The following KCNQ3 variants were observed in gnomAD, a reference collection of about 807,000 sequenced individuals.
KCNQ3 encodes the protein potassium voltage-gated channel subfamily Q member 3, also known as potassium voltage-gated channel subfamily KQT member 3.
Under a neutral mutation model 92.5 loss-of-function variants are expected in KCNQ3, and 30 were observed. The observed-to-expected ratio is 0.32, with a 90% CI of 0.24 to 0.44. KCNQ3 has a LOEUF of 0.44. Ranked by LOEUF, KCNQ3 falls within the 20% of genes least tolerant of loss-of-function variation. KCNQ3 has a pLI of 1.00. For missense variants in KCNQ3, 913 were observed against 1,140.3 expected, an observed-to-expected ratio of 0.80 and a Z score of 2.87; for synonymous variants, 450 against 468.8, an observed-to-expected ratio of 0.96 and a Z score of 0.52.
chr8:132,255,027 T>C (rs945232140), intron 1 of KCNQ3, among the ~76,000 whole-genome samples: 2 of 152,204 alleles, frequency 1.3e-5, no homozygotes, highest in African/African-American at 2.4e-5. Flanking sequence ...GACTGTTTTT[T>C]TTTCTTTTTA....
intron 3 of KCNQ3, among the ~76,000 whole-genome samples, chr8:132,183,313 G>C (rs187406878): frequency 1.3e-3 from 195 of 152,280 alleles, no homozygotes; most frequent in African/African-American, 4.5e-3. Flanking sequence ...AATACTTGAA[G>C]AGTGTCAGAG....
chr8:132,131,987 C>T (rs1337629812), intron 14 of KCNQ3, among the ~76,000 whole-genome samples, 193 bp downstream of exon 14: 1 of 151,830 alleles, frequency 6.6e-6, no homozygotes, highest in Non-Finnish European at 1.5e-5. Context: ...CCTCAGGAGG[C>T]TGAGGCAGGA....
intron 6 of KCNQ3, among the ~76,000 whole-genome samples, chr8:132,173,692 A>G (rs1230880868): frequency 7.9e-5 from 12 of 152,232 alleles, no homozygotes; most frequent in Admixed American, 2.0e-4. Context: ...AACAAATGCA[A>G]TCTGCTTTCA....
chr8:132,136,566 G>T (rs1323997112), intron 12 of KCNQ3, among the ~76,000 whole-genome samples: 1 of 152,184 alleles, frequency 6.6e-6, no homozygotes, highest in Non-Finnish European at 1.5e-5. Flanking sequence ...ATGGGAAAGT[G>T]TGTGCATGTC....
At chr8:132,232,576 A>G (rs549050376) in intron 1 of KCNQ3, among the ~76,000 whole-genome samples, 1 of 152,336 alleles carries the variant, frequency 6.6e-6, no homozygotes, top group South Asian at 2.1e-4. Flanking sequence ...TATTTGAACA[A>G]CTAACACAGT....
At chr8:132,165,582 C>T (rs16904615) in intron 8 of KCNQ3, among the ~76,000 whole-genome samples, 1 of 152,182 alleles carries the variant, frequency 6.6e-6, no homozygotes, top group East Asian at 1.9e-4. Flanking sequence ...GACAACCACT[C>T]TCACACATTT....
rs115014899 is a variant in KCNQ3 at position 132,363,167 on chromosome 8, G to A, written c.386+116980C>T. On this transcript the variant is annotated intron_variant, in intron 1 of 14. Transcript: ENST00000388996. ...TAGGAGAGCTAACAAGATGTGTAGA[G>A]CATCTCTGATTACTAAGTTCAAATT... Among the ~76,000 whole-genome samples the A allele has an allele frequency of 4.7e-3, 718 of 151,986 alleles. 5 individuals carry two copies. Among genetic ancestry groups the A allele is most frequent in the African/African-American group, 0.016 (671 of 41,424 alleles).
intron 11 of KCNQ3, among the ~76,000 whole-genome samples, chr8:132,138,220 C>A (rs968441699): frequency 1.3e-5 from 2 of 152,164 alleles, no homozygotes; most frequent in Non-Finnish European, 2.9e-5. Flanking sequence ...TCCCTTCAAT[C>A]ATTTGAATAA....
intron 1 of KCNQ3, among the ~76,000 whole-genome samples, chr8:132,412,036 T>C (rs1820665363): frequency 6.6e-6 from 1 of 152,166 alleles, no homozygotes; most frequent in Admixed American, 6.5e-5. Flanking sequence ...CCCTTACTTA[T>C]GGTGCTATGC....
chr8:132,300,376 T>C (rs759477115), intron 1 of KCNQ3, among the ~76,000 whole-genome samples: 1 of 152,238 alleles, frequency 6.6e-6, no homozygotes, highest in Non-Finnish European at 1.5e-5. Flanking sequence ...TCATGGTTTC[T>C]ATTTTTATTC....
intron 1 of KCNQ3, among the ~76,000 whole-genome samples, chr8:132,380,931 G>GAAAAAAAAAAAAAAAA (rs553931640): frequency 2.3e-5 from 2 of 87,470 alleles, no homozygotes; most frequent in African/African-American, 3.7e-5. Context: ...AATGAAAGCA[G>GAAAAAAAAAAAAAAAA]AAAAAAAAAA....
chr8:132,430,589 G>C (rs1020682965), intron 1 of KCNQ3, among the ~76,000 whole-genome samples: 3 of 152,200 alleles, frequency 2.0e-5, no homozygotes, highest in Admixed American at 2.0e-4. Context: ...ATGAGTCTGT[G>C]CAAGTTCTGA....
chr8:132,367,210 GT>G (rs1267457288), intron 1 of KCNQ3, among the ~76,000 whole-genome samples: 1 of 152,114 alleles, frequency 6.6e-6, no homozygotes, highest in African/African-American at 2.4e-5. Context: ...GTATACAATT[GT>G]TTTCTCTTGC....
intron 1 of KCNQ3, among the ~76,000 whole-genome samples, chr8:132,430,341 C>A (rs991891999): frequency 2.0e-5 from 3 of 152,234 alleles, no homozygotes; most frequent in East Asian, 1.9e-4. Flanking sequence ...GCAATTCTCA[C>A]AAGCAGGCCC....
chr8:132,166,705 C>T (rs904415049), intron 8 of KCNQ3, among the ~76,000 whole-genome samples: 3 of 151,960 alleles, frequency 2.0e-5, no homozygotes, highest in South Asian at 4.2e-4. Flanking sequence ...AAGAACAGAC[C>T]ACCGTCATCC....
chr8:132,267,459 G>A (rs939493277), intron 1 of KCNQ3, among the ~76,000 whole-genome samples: 9 of 152,064 alleles, frequency 5.9e-5, no homozygotes, highest in African/African-American at 9.7e-5. Context: ...TTCTGCTGAC[G>A]GCTTGCAGAT....
At chr8:132,326,937 C>T (rs1413295347) in intron 1 of KCNQ3, among the ~76,000 whole-genome samples, 1 of 152,224 alleles carries the variant, frequency 6.6e-6, no homozygotes, top group Non-Finnish European at 1.5e-5. Context: ...ACTCTCAGTC[C>T]TCTTTCCCTG....
chr8:132,420,615 A>G (rs1820941476), intron 1 of KCNQ3, among the ~76,000 whole-genome samples: 1 of 152,228 alleles, frequency 6.6e-6, no homozygotes, highest in Admixed American at 6.5e-5. Flanking sequence ...TGTGGTCAGA[A>G]CAGACTCACG....
At chr8:132,215,731 G>A (rs1337717513) in intron 1 of KCNQ3, among the ~76,000 whole-genome samples, 11 of 152,218 alleles carry the variant, frequency 7.2e-5, no homozygotes, top group Admixed American at 7.2e-4. Context: ...TGAGGGTTGG[G>A]CTTAGCCCAT....
Sources: gnomAD v4.1 joint callset for allele counts (sites outside exome capture counted in the v4.1 genomes callset) on GRCh38, gnomAD v4.1.1 for gene constraint, MANE v1.5 for transcripts, NCBI Gene and HGNC (gene_info 2026-07-23, HGNC 2026-07-21) for gene names.